Variants in IDE observed in about 807,000 individuals in gnomAD.
IDE encodes the protein insulin degrading enzyme.
IDE carries 58 observed loss-of-function variants against 133.2 expected under a neutral mutation model. The ratio of observed to expected loss-of-function variants is 0.44; its 90% CI spans 0.35 to 0.54. The LOEUF (loss-of-function observed/expected upper bound fraction) is 0.54, where lower values mean the gene tolerates loss of function less well. Among genes scored for constraint, IDE ranks in the 20% least tolerant of loss-of-function variants. The pLI is 0.00. For missense variants in IDE, 981 were observed against 1,234.0 expected, an observed-to-expected ratio of 0.79 and a Z score of 3.07; for synonymous variants, 396 against 421.3, an observed-to-expected ratio of 0.94 and a Z score of 0.73.
chr10:92,477,781 A>G (rs1219247020), intron 15 of IDE, among the ~76,000 whole-genome samples: 1 of 152,174 alleles, frequency 6.6e-6, no homozygotes, highest in African/African-American at 2.4e-5. Flanking sequence ...AAAAAGAGAA[A>G]ACAGATGATT....
chr10:92,511,101 A>G (rs1347718606), intron 5 of IDE, among the ~76,000 whole-genome samples: 2 of 132,436 alleles, frequency 1.5e-5, no homozygotes, highest in African/African-American at 3.0e-5. Context: ...AAAAAAAAAA[A>G]CTTTTTTTTT....
intron 4 of IDE, among the ~76,000 whole-genome samples, chr10:92,520,233 T>G (rs1194949230): frequency 6.6e-6 from 1 of 152,196 alleles, no homozygotes. Context: ...GTTGGTAAAT[T>G]GTAAAATCCA....
chr10:92,493,856 G>A (rs965653093), intron 11 of IDE, among the ~76,000 whole-genome samples: 5 of 152,074 alleles, frequency 3.3e-5, no homozygotes, highest in Admixed American at 2.0e-4. Context: ...AATAAAGACA[G>A]GGAAGAAAGT....
chr10:92,526,131 A>C (rs111968897), intron 4 of IDE, among the ~76,000 whole-genome samples: 15,086 of 150,692 alleles, frequency 0.1, 870 homozygotes, highest in South Asian at 0.17. Flanking sequence ...CCAGCCTGGG[A>C]GAAAGAGCGG....
chr10:92,548,286 G>C (rs1487035068), intron 1 of IDE, among the ~76,000 whole-genome samples: 1 of 145,084 alleles, frequency 6.9e-6, no homozygotes, highest in African/African-American at 2.6e-5. Context: ...TTGAACCCAG[G>C]AGGCAGAGGT....
chr10:92,468,498 A>G (rs1439707602), intron 19 of IDE, among the ~76,000 whole-genome samples: 1 of 152,186 alleles, frequency 6.6e-6, no homozygotes, highest in East Asian at 1.9e-4. Context: ...GTTTCCTAAA[A>G]CTATTTCTGC....
chr10:92,495,885 T>G (rs1169389865), intron 11 of IDE, among the ~76,000 whole-genome samples: 1 of 151,808 alleles, frequency 6.6e-6, no homozygotes, highest in Non-Finnish European at 1.5e-5. Context: ...TTTAAGTGTT[T>G]TTTTTTTTTG....
At chr10:92,510,788 C>CATAT (rs61038110) in intron 5 of IDE, among the ~76,000 whole-genome samples, 125,239 of 148,238 alleles carry the variant, frequency 0.84, 53,123 homozygotes, top group East Asian at 0.92. Flanking sequence ...ATACATCTCA[C>CATAT]ATGATATATA....
intron 1 of IDE, among the ~76,000 whole-genome samples, chr10:92,562,436 A>G (rs1455497037): frequency 6.6e-6 from 1 of 152,220 alleles, no homozygotes; most frequent in African/African-American, 2.4e-5. Flanking sequence ...AAACTAACCA[A>G]TTCAAGATAA....
chr10:92,508,590 A>G, intron 7 of IDE, 138 bp downstream of exon 7: 1 of 663,902 alleles, frequency 1.5e-6, no homozygotes. Context: ...ACAGCGTGCC[A>G]ACAACCACCA....
intron 1 of IDE, among the ~76,000 whole-genome samples, chr10:92,567,306 G>A (rs953482057): frequency 6.6e-6 from 1 of 152,124 alleles, no homozygotes; most frequent in Admixed American, 6.5e-5. Flanking sequence ...CTACCCTGGT[G>A]GCCCCTCCTA....
rs1400704161 is a variant in IDE at position 92,452,939 on chromosome 10, A to T, written c.*1505T>A. 1 of 152,248 alleles carries T rather than the reference A, an allele frequency of 6.6e-6. No individual in the cohort carries two copies. The highest frequency in any genetic ancestry group is 1.5e-5 in the Non-Finnish European group (1 of 68,050). The allele number at this position is 152,248 out of a possible 1,614,324, so 9.4% of individuals were successfully genotyped here. ...AGCACCACATTGATCTGACAGTAGA[A>T]ATGGAGCCCCGCTTTTGAAAGCAGC... On this transcript the variant is annotated 3_prime_UTR_variant, in exon 25 of 25. Transcript: ENST00000265986.
At chr10:92,473,706 C>T (rs939164411) in intron 17 of IDE, among the ~76,000 whole-genome samples, 3 of 151,908 alleles carry the variant, frequency 2.0e-5, no homozygotes, top group South Asian at 2.1e-4. Context: ...ATTGGCCGGT[C>T]GCGGTGGCTC....
chr10:92,509,991 C>A (rs1848499655), intron 6 of IDE, 59 bp downstream of exon 6: 9 of 671,810 alleles, frequency 1.3e-5, no homozygotes, highest in South Asian at 1.9e-5. Context: ...CTATGGTAAA[C>A]TAGGTATATA....
At chr10:92,523,294 T>G (rs1849329033) in intron 4 of IDE, among the ~76,000 whole-genome samples, 1 of 151,790 alleles carries the variant, frequency 6.6e-6, no homozygotes, top group South Asian at 2.1e-4. Flanking sequence ...GGCAGGAGAA[T>G]CGTTTGAACC....
intron 5 of IDE, 29 bp downstream of exon 5, chr10:92,514,891 A>T: frequency 6.3e-7 from 1 of 1,590,908 alleles, no homozygotes. Context: ...ATATTATCCA[A>T]TTCTATAAAA....
At chr10:92,550,706 C>G (rs1842740944) in intron 1 of IDE, among the ~76,000 whole-genome samples, 2 of 138,440 alleles carry the variant, frequency 1.4e-5, no homozygotes, top group African/African-American at 5.4e-5. Context: ...CCCGTTTCTA[C>G]TAAAAATATA....
At chr10:92,476,536 A>C (rs1846262229) in intron 15 of IDE, among the ~76,000 whole-genome samples, 1 of 152,046 alleles carries the variant, frequency 6.6e-6, no homozygotes, top group South Asian at 2.1e-4. Flanking sequence ...TAGGGTACCC[A>C]GGCTAGACTC....
At chr10:92,491,164 G>A (rs551578720) in intron 11 of IDE, among the ~76,000 whole-genome samples, 56 of 151,952 alleles carry the variant, frequency 3.7e-4, no homozygotes, top group Non-Finnish European at 6.2e-4. Flanking sequence ...CTTGAGCCCA[G>A]GAGTTTGAGG....
Sources: gnomAD v4.1 joint callset for allele counts (sites outside exome capture counted in the v4.1 genomes callset) on GRCh38, gnomAD v4.1.1 for gene constraint, MANE v1.5 for transcripts, NCBI Gene and HGNC (gene_info 2026-07-23, HGNC 2026-07-21) for gene names.